The following IQCB1 variants were observed in gnomAD, a reference collection of about 807,000 sequenced individuals.
IQCB1 encodes the protein IQ motif containing B1, also known as IQ calmodulin-binding motif-containing protein 1.
In IQCB1, 56 loss-of-function variants were observed where a neutral mutation model predicts 84.4. That is an observed-to-expected ratio of 0.66 (90% CI 0.54 to 0.83). IQCB1 has a LOEUF of 0.83. Ranked by LOEUF, IQCB1 falls within the 40% of genes least tolerant of loss-of-function variation. The probability of loss-of-function intolerance (pLI) is 0.00; values close to 1 mark genes in which losing one functional copy is unlikely to be tolerated. For synonymous variants in IQCB1, 210 were observed against 234.8 expected (o/e 0.89, Z 0.96); for missense variants, 629 against 682.1 (o/e 0.92, Z 0.87).
In IQCB1 at chr3:121,790,231, T is replaced by C. The variant is rs1210468118; in HGVS notation, c.987-16A>G. ...TCGTTTGGATCTGTGATGGAAACAGTGTGTTATACATAATTTTCATAAATC... is the reference window on the plus strand; with the variant it reads ...TCGTTTGGATCTGTGATGGAAACAGCGTGTTATACATAATTTTCATAAATC... On this transcript the variant is annotated splice_polypyrimidine_tract_variant and intron_variant, in intron 10 of 14. Transcript: ENST00000310864. The C allele has an allele frequency of 1.9e-6, 3 of 1,611,928 alleles. No homozygotes were observed. Among genetic ancestry groups the C allele is most frequent in the African/African-American group, 2.7e-5 (2 of 75,012 alleles).
chr3:121,790,862 C>T (rs1412687818), intron 10 of IQCB1, among the ~76,000 whole-genome samples: 1 of 152,098 alleles, frequency 6.6e-6, no homozygotes, highest in African/African-American at 2.4e-5. Context: ...TTATTTTCTT[C>T]TTATGCCTAT....
chr3:121,810,682 A>G (rs1275167100), intron 5 of IQCB1, among the ~76,000 whole-genome samples: 2 of 152,170 alleles, frequency 1.3e-5, no homozygotes, highest in Non-Finnish European at 2.9e-5. Context: ...TAAAGCTTAC[A>G]TAATGGTCTG....
intron 7 of IQCB1, among the ~76,000 whole-genome samples, chr3:121,806,310 T>C (rs888523825): frequency 1.3e-5 from 2 of 152,070 alleles, no homozygotes; most frequent in Non-Finnish European, 2.9e-5. Flanking sequence ...CTTCACATAG[T>C]CACCAGAGTA....
rs747623180 is a variant in IQCB1, at chr3:121,790,056, T to C, written c.1129+17A>G. 2.3e-5 allele frequency: 37 copies of C among 1,606,522 alleles called. No homozygotes were observed. The highest frequency in any genetic ancestry group is 1.7e-4 in the Admixed American group (10 of 59,988). On this transcript the variant is annotated intron_variant, in intron 11 of 14. Transcript: ENST00000310864. ...CCTAAATATTCTTATATTGATAAAG[T>C]TGATACTGCCACTCACCTGGATGAA...
intron 5 of IQCB1, among the ~76,000 whole-genome samples, chr3:121,825,442 G>C (rs1950434536): frequency 1.3e-5 from 2 of 151,978 alleles, no homozygotes; most frequent in Non-Finnish European, 2.9e-5. Context: ...AATTCCAAAG[G>C]ATTGAAATGA....
intron 7 of IQCB1, among the ~76,000 whole-genome samples, chr3:121,800,809 T>C (rs1159035137): frequency 1.2e-5 from 1 of 86,152 alleles, no homozygotes; most frequent in Non-Finnish European, 2.4e-5. Flanking sequence ...GCTTCTCTTC[T>C]AATCCAATTT....
chr3:121,791,182 C>T (rs528928202), intron 10 of IQCB1, among the ~76,000 whole-genome samples: 1 of 152,154 alleles, frequency 6.6e-6, no homozygotes, highest in South Asian at 2.1e-4. Flanking sequence ...ATGTGTCTCC[C>T]TCAAGAACAT....
At chr3:121,826,250 T>C in intron 4 of IQCB1, 70 bp from the exon 5 acceptor site, 2 of 1,481,200 alleles carry the variant, frequency 1.4e-6, no homozygotes, top group Non-Finnish European at 1.9e-6. Context: ...AGAGACACTG[T>C]GCCTTATTGA....
chr3:121,788,560 C>A, intron 11 of IQCB1, 128 bp from the exon 12 acceptor site: 2 of 948,788 alleles, frequency 2.1e-6, no homozygotes, highest in African/African-American at 1.6e-5. Flanking sequence ...CTAATTTTCC[C>A]AATTCTACTA....
chr3:121,825,921 T>C (rs1950450620), intron 5 of IQCB1, 130 bp downstream of exon 5: 12 of 905,626 alleles, frequency 1.3e-5, no homozygotes, highest in Non-Finnish European at 1.9e-5. Context: ...TGGAAGGTTG[T>C]AACTTTGAAA....
At chr3:121,772,155 C>T (rs1204135385) in intron 14 of IQCB1, among the ~76,000 whole-genome samples, 1 of 152,054 alleles carries the variant, frequency 6.6e-6, no homozygotes, top group Non-Finnish European at 1.5e-5. Flanking sequence ...AGCCTGGCAA[C>T]AGAGCAAGAC....
intron 7 of IQCB1, among the ~76,000 whole-genome samples, chr3:121,804,089 T>A (rs192066785): frequency 6.6e-6 from 1 of 152,180 alleles, no homozygotes. Context: ...GTTTTGCTAT[T>A]TTCTTCACTG....
At chr3:121,794,775 T>C in intron 10 of IQCB1, among the ~76,000 whole-genome samples, 1 of 152,134 alleles carries the variant, frequency 6.6e-6, no homozygotes, top group East Asian at 1.9e-4. Flanking sequence ...ATTAAAAGAA[T>C]AGTTTCAGTT....
rs116658429 is a variant in IQCB1 at position 121,780,799 on chromosome 3, C to A, written c.1410+944G>T. On this transcript the variant is annotated intron_variant, in intron 13 of 14. Transcript: ENST00000310864. ...AGGACTCCCTAAATATCACATCAAGCCTCTAACATCAGTTATCCAGAACCT... is the reference window on the plus strand; with the variant it reads ...AGGACTCCCTAAATATCACATCAAGACTCTAACATCAGTTATCCAGAACCT... 2.9e-3 allele frequency among the ~76,000 whole-genome samples: 438 copies of A among 152,234 alleles called. 2 individuals are homozygous for A. The highest frequency in any genetic ancestry group is 1.0e-2 in the African/African-American group (415 of 41,530).
At chr3:121,828,158 G>A (rs1040211325) in intron 4 of IQCB1, among the ~76,000 whole-genome samples, 27 of 152,078 alleles carry the variant, frequency 1.8e-4, no homozygotes, top group African/African-American at 6.5e-4. Context: ...CAGGTACAGA[G>A]CCAGTGCCTT....
At chr3:121,794,473 G>A (rs80329532) in intron 10 of IQCB1, among the ~76,000 whole-genome samples, 2,318 of 152,196 alleles carry the variant, frequency 0.015, 20 homozygotes, top group Non-Finnish European at 0.022. Context: ...GCTCAAGTGA[G>A]ATACAAACTC....
chr3:121,791,557 G>A (rs1310557706), intron 10 of IQCB1, among the ~76,000 whole-genome samples: 3 of 152,154 alleles, frequency 2.0e-5, no homozygotes, highest in Non-Finnish European at 4.4e-5. Context: ...AAGATCTAGG[G>A]CTAGTTGAAT....
intron 5 of IQCB1, among the ~76,000 whole-genome samples, chr3:121,821,376 C>G (rs1295773892): frequency 6.6e-6 from 1 of 152,186 alleles, no homozygotes; most frequent in East Asian, 1.9e-4. Context: ...ATTTCCGCTG[C>G]CTGTAATGCC....
At chr3:121,778,751 C>T (rs1310749177) in intron 13 of IQCB1, among the ~76,000 whole-genome samples, 1 of 151,792 alleles carries the variant, frequency 6.6e-6, no homozygotes, top group East Asian at 1.9e-4. Context: ...ACCAAAAGTA[C>T]AAAAATTAGC....
Sources: allele counts gnomAD v4.1 joint callset (sites outside exome capture counted in the v4.1 genomes callset), GRCh38; gene constraint gnomAD v4.1.1; transcripts MANE v1.5; gene names NCBI Gene and HGNC (gene_info 2026-07-23, HGNC 2026-07-21).